TENM3: variants seen among roughly 807,000 people sequenced by gnomAD.
TENM3 encodes the protein teneurin transmembrane protein 3, also known as teneurin-3.
TENM3 carries 63 observed loss-of-function variants against 255.1 expected under a neutral mutation model. That is an observed-to-expected ratio of 0.25 (90% CI 0.20 to 0.30). The LOEUF is 0.30. Among genes scored for constraint, TENM3 ranks in the 10% least tolerant of loss-of-function variants. TENM3 has a pLI of 1.00. For synonymous variants in TENM3, 1,306 were observed against 1,322.3 expected (o/e 0.99, Z 0.27); for missense variants, 2,929 against 3,461.1 (o/e 0.85, Z 3.86).
chr4:181,451,997 A>G, the TENM3 span, among the ~76,000 whole-genome samples: 1 of 152,074 alleles, frequency 6.6e-6, no homozygotes, highest in Non-Finnish European at 1.5e-5. Flanking sequence ...ACAGCCAGAG[A>G]AGTGGGAGGA....
chr4:182,755,829 G>C (rs997421077), intron 22 of TENM3, among the ~76,000 whole-genome samples: 1 of 151,952 alleles, frequency 6.6e-6, no homozygotes. Context: ...GCGACAGAGC[G>C]AGACTCCGCC....
the TENM3 span, among the ~76,000 whole-genome samples, chr4:182,078,218 C>T: frequency 6.6e-6 from 1 of 151,638 alleles, no homozygotes; most frequent in African/African-American, 2.4e-5. Flanking sequence ...AGAGCAAGAC[C>T]CTGTCTCAAA....
the TENM3 span, among the ~76,000 whole-genome samples, chr4:181,899,313 T>C: frequency 2.6e-5 from 4 of 152,104 alleles, no homozygotes; most frequent in Admixed American, 1.3e-4. Flanking sequence ...TATATTGTCT[T>C]TTTATCCTTA....
At chr4:182,494,161 TAAGC>T (rs776956531) in intron 3 of TENM3, among the ~76,000 whole-genome samples, 46 of 152,164 alleles carry the variant, frequency 3.0e-4, no homozygotes, top group Non-Finnish European at 4.9e-4. Flanking sequence ...TTGAGTGTGT[TAAGC>T]AAGAAACTGG....
intron 4 of TENM3, among the ~76,000 whole-genome samples, chr4:182,616,522 T>TA (rs542212636): frequency 0.45 from 42,371 of 93,944 alleles, 8,405 homozygotes; most frequent in East Asian, 0.5. Context: ...TAAAGTATAA[T>TA]AAAAAAAAAA....
chr4:182,209,518 C>G lies in TENM3; in HGVS notation c.-76+64764C>G, dbSNP rs543504141. On this transcript the variant is annotated intron_variant, in intron 1 of 2. Coordinates refer to the TENM3 transcript ENST00000512480. ...CTAAACCTCTGCTTGTCCTTTGACA[C>G]TGCTAGGAGCCCCCTTCGCACCAGA... Among the ~76,000 whole-genome samples, 37 of 152,274 alleles carry G rather than the reference C, an allele frequency of 2.4e-4. No individual in the cohort carries two copies. The South Asian group carries it at 3.5e-3, about 14-fold the overall frequency.
chr4:182,744,362 G>A (rs1197054844), intron 19 of TENM3, among the ~76,000 whole-genome samples: 1 of 152,050 alleles, frequency 6.6e-6, no homozygotes, highest in East Asian at 1.9e-4. Context: ...GATATAATTT[G>A]AGAAATCTTT....
chr4:182,315,098 A>C (rs777163625), intron 1 of TENM3, among the ~76,000 whole-genome samples: 1 of 152,162 alleles, frequency 6.6e-6, no homozygotes, highest in Non-Finnish European at 1.5e-5. Flanking sequence ...ATTGAGATAT[A>C]TTTTACTTAC....
intron 2 of TENM3, among the ~76,000 whole-genome samples, chr4:182,345,523 A>G (rs1764744081): frequency 1.3e-5 from 2 of 152,186 alleles, no homozygotes; most frequent in South Asian, 4.1e-4. Flanking sequence ...TTTGTAGGTT[A>G]CTATTCTTTA....
chr4:182,787,047 T>A lies in TENM3; in HGVS notation c.5305-2046T>A, dbSNP rs115423185. 4.5e-3 allele frequency among the ~76,000 whole-genome samples: 687 copies of A among 152,246 alleles called. 3 individuals carry two copies. Among genetic ancestry groups the A allele is most frequent in the African/African-American group, 0.015 (638 of 41,512 alleles). Reference sequence around the variant, plus strand: ...ACAAATATTTCTACAGACTTTAAAATATATATATGTAACTAGCCGGTAGCT... The same window carrying A: ...ACAAATATTTCTACAGACTTTAAAAAATATATATGTAACTAGCCGGTAGCT... On this transcript the variant is annotated intron_variant, in intron 24 of 27. Transcript: ENST00000511685.
At chr4:182,753,360 T>C (rs990499621) in intron 20 of TENM3, 90 bp from the exon 21 acceptor site, 1 of 1,130,850 alleles carries the variant, frequency 8.8e-7, no homozygotes, top group Non-Finnish European at 1.3e-6. Context: ...GTCACTGGGG[T>C]TAAATAACTG....
the TENM3 span, among the ~76,000 whole-genome samples, chr4:181,943,652 G>A: frequency 6.6e-6 from 1 of 152,076 alleles, no homozygotes; most frequent in Non-Finnish European, 1.5e-5. Context: ...ACACCTCTTT[G>A]CCCGCCAGAA....
chr4:181,628,373 A>T, the TENM3 span, among the ~76,000 whole-genome samples: 2 of 152,056 alleles, frequency 1.3e-5, no homozygotes. Flanking sequence ...TTTTGTTGCC[A>T]TTGCTTTTGG....
At chr4:182,751,661 A>G in intron 19 of TENM3, 139 bp from the exon 20 acceptor site, 1 of 628,908 alleles carries the variant, frequency 1.6e-6, no homozygotes, top group South Asian at 2.0e-5. Flanking sequence ...TTAAATAGAC[A>G]GTACTATTCA....
the TENM3 span, among the ~76,000 whole-genome samples, chr4:181,981,200 G>A: frequency 6.6e-6 from 1 of 151,934 alleles, no homozygotes; most frequent in African/African-American, 2.4e-5. Flanking sequence ...TACAGCTGAC[G>A]GGCTGTCTCG....
the TENM3 span, among the ~76,000 whole-genome samples, chr4:182,065,036 T>TTTC: frequency 9.3e-4 from 1 of 1,072 alleles, no homozygotes; most frequent in Non-Finnish European, 0.5. Context: ...AATTTCTTTC[T>TTTC]TTTTTTTTTT....
chr4:181,529,144 G>A, the TENM3 span, among the ~76,000 whole-genome samples: 144 of 152,332 alleles, frequency 9.5e-4, no homozygotes, highest in African/African-American at 3.2e-3. Flanking sequence ...GCTGGGAAAG[G>A]CAGTGTGGGG....
At chr4:181,513,849 C>T in the TENM3 span, among the ~76,000 whole-genome samples, 6 of 152,292 alleles carry the variant, frequency 3.9e-5, no homozygotes, top group East Asian at 1.2e-3. Context: ...CACCTAAAAC[C>T]AGCCACTTGA....
chr4:181,752,315 C>T, the TENM3 span, among the ~76,000 whole-genome samples: 4 of 151,988 alleles, frequency 2.6e-5, no homozygotes, highest in Non-Finnish European at 5.9e-5. Flanking sequence ...TTTGGGAGGC[C>T]GAGGCGGGCA....
Sources: allele counts gnomAD v4.1 joint callset (sites outside exome capture counted in the v4.1 genomes callset), GRCh38; gene constraint gnomAD v4.1.1; transcripts MANE v1.5; gene names NCBI Gene and HGNC (gene_info 2026-07-23, HGNC 2026-07-21).